Variants in ANKRD30BL observed in about 807,000 individuals in gnomAD.
The protein encoded by ANKRD30BL is putative ankyrin repeat domain-containing protein 30B-like.
ANKRD30BL carries 20 observed loss-of-function variants against 18.4 expected under a neutral mutation model. The observed-to-expected ratio is 1.09, with a 90% CI of 0.77 to 1.58. The LOEUF (loss-of-function observed/expected upper bound fraction) is 1.58, where lower values mean the gene tolerates loss of function less well. Among genes scored for constraint, ANKRD30BL ranks in the 40% most tolerant of loss-of-function variants. The pLI is 0.00. For missense variants in ANKRD30BL, 224 were observed against 268.6 expected (o/e 0.83, Z 1.16); for synonymous variants, 72 against 100.9 (o/e 0.71, Z 1.72).
intron 1 of ANKRD30BL, among the ~76,000 whole-genome samples, chr2:132,187,760 TC>T (rs1458481996): frequency 1.3e-5 from 2 of 150,244 alleles, no homozygotes; most frequent in African/African-American, 2.5e-5. Flanking sequence ...TAGAATAGAT[TC>T]TTTTTTTTTT....
chr2:132,201,003 T>A (rs1339349207), intron 1 of ANKRD30BL, among the ~76,000 whole-genome samples: 1 of 152,112 alleles, frequency 6.6e-6, no homozygotes, highest in Non-Finnish European at 1.5e-5. Flanking sequence ...TATCTACAAC[T>A]ATCTGATCTT....
rs1558924523 is a variant in ANKRD30BL at position 132,187,194 on chromosome 2, T to TG, written n.442-30049_442-30048insC. On this transcript the variant is annotated intron_variant and non_coding_transcript_variant, in intron 1 of 4. Coordinates refer to the ANKRD30BL transcript ENST00000470729. The stretch of plus-strand genomic sequence containing the variant: ...TTTGTTTTTTTTTTTGTTTGTTTTT[T>TG]TTTTTTTTTTTTTTTGAGAGACAGA... Among the ~76,000 whole-genome samples, 409 of 141,198 alleles carry TG rather than the reference T, an allele frequency of 2.9e-3. 6 individuals are homozygous for TG. Among genetic ancestry groups the TG allele is most frequent in the African/African-American group, 0.01 (382 of 36,502 alleles). 92.6% of individuals were successfully genotyped at this position (141,198 alleles called of 152,430 possible). A position where few individuals can be genotyped will look rare whatever the true frequency, so the allele number is the denominator to read the frequency against.
chr2:132,195,915 G>A (rs1678957979), intron 1 of ANKRD30BL, among the ~76,000 whole-genome samples: 1 of 151,892 alleles, frequency 6.6e-6, no homozygotes, highest in South Asian at 2.1e-4. Flanking sequence ...GACCAGTTGG[G>A]TGGATCACGA....
chr2:132,254,471 CG>C lies in ANKRD30BL; in HGVS notation n.441+3057del, dbSNP rs1680765399. On this transcript the variant is annotated intron_variant and non_coding_transcript_variant, in intron 1 of 4. Coordinates refer to the ANKRD30BL transcript ENST00000470729. ...AGTGGGCTGACCCAGCGGGCTGATCCGAGGGCCTCACTAAACCATCCAATCA... is the reference window on the plus strand; with the variant it reads ...AGTGGGCTGACCCAGCGGGCTGATCCAGGGCCTCACTAAACCATCCAATCA... Among the ~76,000 whole-genome samples the C allele has an allele frequency of 2.0e-5, 3 of 152,182 alleles. No individual in the cohort carries two copies. In the East Asian group the frequency reaches 5.8e-4, roughly 29 times the overall value.
chr2:132,227,183 C>T (rs1394538610), intron 1 of ANKRD30BL, among the ~76,000 whole-genome samples: 3 of 151,846 alleles, frequency 2.0e-5, no homozygotes, highest in Admixed American at 2.0e-4. Context: ...TGCTTTGAGG[C>T]CTTCGTTGGA....
intron 1 of ANKRD30BL, among the ~76,000 whole-genome samples, chr2:132,199,883 C>T (rs913215037): frequency 1.3e-5 from 2 of 152,114 alleles, no homozygotes; most frequent in Non-Finnish European, 2.9e-5. Flanking sequence ...AGGCCAATAT[C>T]CTTGATGAAC....
At chr2:132,251,117 A>G (rs1055443557) in intron 1 of ANKRD30BL, among the ~76,000 whole-genome samples, 6 of 152,212 alleles carry the variant, frequency 3.9e-5, no homozygotes, top group African/African-American at 1.4e-4. Flanking sequence ...CTTTGAAGTG[A>G]AAGTCTGCTA....
intron 1 of ANKRD30BL, among the ~76,000 whole-genome samples, chr2:132,211,250 T>C (rs1479443344): frequency 5.3e-5 from 8 of 151,582 alleles, no homozygotes; most frequent in African/African-American, 2.0e-4. Context: ...ACAGAAGCAT[T>C]CTGAGAAACT....
intron 1 of ANKRD30BL, among the ~76,000 whole-genome samples, chr2:132,203,279 T>G (rs973942942): frequency 6.6e-6 from 1 of 152,292 alleles, no homozygotes; most frequent in African/African-American, 2.4e-5. Context: ...ATTAGGGATC[T>G]TCTTTATAAA....
At chr2:132,252,858 G>A (rs79621824) in intron 1 of ANKRD30BL, among the ~76,000 whole-genome samples, 44 of 152,168 alleles carry the variant, frequency 2.9e-4, no homozygotes, top group Admixed American at 6.5e-5. Context: ...AACCCAGACC[G>A]TGATGGTGGC....
intron 1 of ANKRD30BL, among the ~76,000 whole-genome samples, chr2:132,226,493 T>G (rs1183606660): frequency 2.0e-5 from 3 of 151,890 alleles, no homozygotes; most frequent in African/African-American, 7.3e-5. Flanking sequence ...TTAGGAGCAC[T>G]TTGCGACCTA....
At chr2:132,231,777 T>C (rs1026278632) in intron 1 of ANKRD30BL, among the ~76,000 whole-genome samples, 5 of 152,206 alleles carry the variant, frequency 3.3e-5, no homozygotes, top group Non-Finnish European at 7.3e-5. Flanking sequence ...CACCCGCCAT[T>C]ACCCAGGCTT....
chr2:132,221,861 G>A (rs1287719860), intron 1 of ANKRD30BL, among the ~76,000 whole-genome samples: 11 of 125,132 alleles, frequency 8.8e-5, no homozygotes, highest in Non-Finnish European at 1.6e-4. Context: ...CCGTCCGGGA[G>A]GGGGGAGGGG....
intron 1 of ANKRD30BL, among the ~76,000 whole-genome samples, chr2:132,182,318 T>TA (rs1688482180): frequency 6.6e-6 from 1 of 150,754 alleles, no homozygotes; most frequent in Non-Finnish European, 1.5e-5. Context: ...CCGTCTCTAC[T>TA]AAAAACACAA....
At chr2:132,199,795 ATTCT>A (rs1679056282) in intron 1 of ANKRD30BL, among the ~76,000 whole-genome samples, 1 of 152,174 alleles carries the variant, frequency 6.6e-6, no homozygotes, top group African/African-American at 2.4e-5. Context: ...TTTAAAAGTC[ATTCT>A]TTCTGCATTT....
intron 1 of ANKRD30BL, among the ~76,000 whole-genome samples, chr2:132,231,675 C>T (rs1265409462): frequency 6.6e-6 from 1 of 152,188 alleles, no homozygotes. Flanking sequence ...CCGCACCTGG[C>T]TCGGAGGGTC....
chr2:132,222,615 G>C (rs548753777), intron 1 of ANKRD30BL, among the ~76,000 whole-genome samples: 11 of 152,030 alleles, frequency 7.2e-5, no homozygotes, highest in African/African-American at 2.4e-4. Flanking sequence ...GATGTGCTTT[G>C]TTAAACAGAT....
intron 1 of ANKRD30BL, among the ~76,000 whole-genome samples, chr2:132,196,365 G>T (rs889792536): frequency 1.3e-5 from 2 of 152,090 alleles, no homozygotes; most frequent in African/African-American, 2.4e-5. Flanking sequence ...TGAGGTAAGA[G>T]AATTGATAGA....
At chr2:132,195,788 CAAAAA>C (rs1205804103) in intron 1 of ANKRD30BL, among the ~76,000 whole-genome samples, 23 of 48,670 alleles carry the variant, frequency 4.7e-4, no homozygotes, top group African/African-American at 1.2e-3. Context: ...GAGCCTCTGC[CAAAAA>C]AAAAAAAAAA....
Sources: gnomAD v4.1 joint callset for allele counts (sites outside exome capture counted in the v4.1 genomes callset) on GRCh38, gnomAD v4.1.1 for gene constraint, MANE v1.5 for transcripts, NCBI Gene and HGNC (gene_info 2026-07-23, HGNC 2026-07-21) for gene names.